NCKAP5: variants seen among roughly 807,000 people sequenced by gnomAD.
NCKAP5 encodes nck-associated protein 5.
In NCKAP5, 92 loss-of-function variants were observed where a neutral mutation model predicts 167.0. That is an observed-to-expected ratio of 0.55 (90% confidence interval 0.47 to 0.66). The LOEUF (loss-of-function observed/expected upper bound fraction) is 0.66, where lower values mean the gene tolerates loss of function less well. Among genes scored for constraint, NCKAP5 ranks in the 30% least tolerant of loss-of-function variants. The pLI, the probability that NCKAP5 is intolerant of heterozygous loss-of-function variation, is 0.00. For synonymous variants in NCKAP5, 891 were observed against 877.4 expected (o/e 1.02, Z -0.27); for missense variants, 2,378 against 2,315.0 (o/e 1.03, Z -0.56).
intron 3 of NCKAP5, among the ~76,000 whole-genome samples, chr2:133,437,521 C>A (rs923724902): frequency 2.0e-5 from 3 of 152,096 alleles, no homozygotes; most frequent in African/African-American, 4.8e-5. Context: ...TAAACTAAAG[C>A]CTTCTTTCTC....
intron 8 of NCKAP5, among the ~76,000 whole-genome samples, chr2:132,922,020 C>T (rs1695472441): frequency 6.6e-6 from 1 of 152,060 alleles, no homozygotes; most frequent in Non-Finnish European, 1.5e-5. Context: ...ATTTTGCTAC[C>T]CTGTACTGAG....
Position 133,178,915 on chromosome 2 carries a change from C to T in NCKAP5, c.207+34801G>A, listed in dbSNP as rs562217495. ...GCATGGTAGCTCATTCCTTTAATCC[C>T]AACACTTTGAGAGGCTAAGGCAGGT... On this transcript the variant is annotated intron_variant, in intron 5 of 19. Coordinates refer to ENST00000409261, the MANE Select transcript of NCKAP5 (RefSeq NM_207363.3). 2.0e-5 allele frequency among the ~76,000 whole-genome samples: 3 copies of T among 151,088 alleles called. No individual in the cohort carries two copies. In the South Asian group the frequency reaches 6.3e-4, roughly 32 times the overall value.
rs565721179 is a variant in NCKAP5, at chr2:133,387,316, G to C, written c.70-84206C>G. Among the ~76,000 whole-genome samples the C allele has an allele frequency of 1.2e-4, 18 of 152,216 alleles. No individual in the cohort carries two copies. The South Asian group carries it at 3.7e-3, about 32-fold the overall frequency. The stretch of plus-strand genomic sequence containing the variant: ...TCCTTCACTTATGAAGCTTAGTTTG[G>C]CTGGATATGAAATTCTGGGTTGAAA... On this transcript the variant is annotated intron_variant, in intron 3 of 19. Transcript: ENST00000409261.
intron 3 of NCKAP5, among the ~76,000 whole-genome samples, chr2:133,505,489 C>G (rs1203739800): frequency 6.6e-6 from 1 of 152,150 alleles, no homozygotes; most frequent in Non-Finnish European, 1.5e-5. Context: ...CCACATGTTT[C>G]CAGGGTAGAG....
intron 3 of NCKAP5, among the ~76,000 whole-genome samples, chr2:133,417,347 C>T (rs375616560): frequency 6.6e-6 from 1 of 152,150 alleles, no homozygotes; most frequent in South Asian, 2.1e-4. Flanking sequence ...TCCTTCACAC[C>T]CCTGGAAGAC....
chr2:133,220,157 G>A (rs1204849749), intron 4 of NCKAP5, among the ~76,000 whole-genome samples: 1 of 152,218 alleles, frequency 6.6e-6, no homozygotes, highest in East Asian at 1.9e-4. Context: ...CAGTTCATCT[G>A]CTGGAAACAG....
intron 12 of NCKAP5, among the ~76,000 whole-genome samples, chr2:132,791,800 G>A (rs72847217): frequency 0.091 from 13,904 of 152,234 alleles, 743 homozygotes; most frequent in East Asian, 0.2. Flanking sequence ...AGTACTTGTG[G>A]TAAATATTAA....
At chr2:132,969,401 G>T (rs111797602) in intron 7 of NCKAP5, among the ~76,000 whole-genome samples, 273 of 152,242 alleles carry the variant, frequency 1.8e-3, no homozygotes, top group African/African-American at 5.9e-3. Context: ...TTAGTGTCTA[G>T]CCTGAATTCT....
chr2:133,547,388 G>GGCCT (rs1369896644), intron 2 of NCKAP5, among the ~76,000 whole-genome samples: 2,196 of 152,022 alleles, frequency 0.014, 42 homozygotes, highest in African/African-American at 0.051. Context: ...AGCTCAAGGA[G>GGCCT]GCCTGCCTGC....
At chr2:132,837,578 T>G (rs1257202301) in intron 11 of NCKAP5, among the ~76,000 whole-genome samples, 1 of 152,094 alleles carries the variant, frequency 6.6e-6, no homozygotes, top group Non-Finnish European at 1.5e-5. Flanking sequence ...TGCATTTTTC[T>G]TATGTTTTTT....
At chr2:133,023,969 T>C (rs988790673) in intron 6 of NCKAP5, among the ~76,000 whole-genome samples, 7 of 152,202 alleles carry the variant, frequency 4.6e-5, no homozygotes, top group African/African-American at 1.7e-4. Flanking sequence ...GGACTGGCTC[T>C]CCTGCATATA....
chr2:133,020,968 C>G (rs1054271592), intron 6 of NCKAP5, among the ~76,000 whole-genome samples: 4 of 152,176 alleles, frequency 2.6e-5, no homozygotes, highest in Non-Finnish European at 5.9e-5. Context: ...CAGCAGTTAC[C>G]TACTTGTGGT....
intron 6 of NCKAP5, among the ~76,000 whole-genome samples, chr2:133,125,261 G>A (rs1369098094): frequency 1.4e-5 from 2 of 143,196 alleles, no homozygotes; most frequent in Non-Finnish European, 3.0e-5. Flanking sequence ...TCAACTCAAC[G>A]TACCCCACCC....
At chr2:133,280,495 C>T (rs2089897370) in intron 4 of NCKAP5, among the ~76,000 whole-genome samples, 1 of 152,034 alleles carries the variant, frequency 6.6e-6, no homozygotes, top group African/African-American at 2.4e-5. Flanking sequence ...CAACCTCCAC[C>T]TCCCAGGCTC....
intron 15 of NCKAP5, among the ~76,000 whole-genome samples, chr2:132,778,929 A>G (rs1392687096): frequency 2.6e-5 from 4 of 152,216 alleles, no homozygotes; most frequent in Non-Finnish European, 5.9e-5. Context: ...AGCCCAATCC[A>G]TGCTGATGAT....
intron 8 of NCKAP5, among the ~76,000 whole-genome samples, chr2:132,950,625 A>G (rs189195285): frequency 8.3e-4 from 126 of 152,330 alleles, no homozygotes; most frequent in African/African-American, 2.9e-3. Flanking sequence ...CTCTCATAAA[A>G]CTAGACTGCA....
the NCKAP5 span, among the ~76,000 whole-genome samples, chr2:133,586,898 C>T: frequency 2.6e-5 from 4 of 152,152 alleles, no homozygotes; most frequent in South Asian, 6.2e-4. Flanking sequence ...CAGCAAAAGG[C>T]ATTTGGATCT....
rs189012199 is a variant in NCKAP5 at position 132,809,646 on chromosome 2, G to A, written c.808-12917C>T. On this transcript the variant is annotated intron_variant, in intron 11 of 19. Transcript: ENST00000409261. The stretch of plus-strand genomic sequence containing the variant: ...CCCTTTTCCATCCCTTTAAGTTTAT[G>A]TGAGTTCTTATGTGTTAGGTGAGTC... 1.4e-3 allele frequency among the ~76,000 whole-genome samples: 214 copies of A among 152,172 alleles called. 1 individual carries two copies. The highest frequency in any genetic ancestry group is 4.9e-3 in the African/African-American group (203 of 41,514).
Position 132,785,493 on chromosome 2 carries a change from C to T in NCKAP5, c.1318G>A (p.Gly440Arg), listed in dbSNP as rs1306330864. The change falls in exon 14 of 20, where the codon GGA becomes AGA. Residue 440 changes from glycine to arginine, a missense_variant. By Grantham distance (125) the Gly-to-Arg change is moderately radical. Transcript: ENST00000409261. ...TCCTTGAGGCTGCTACTTTTAATTC[C>T]AGGAGAATATATTCCTTCATTCGAG... is the stretch of plus-strand genomic sequence containing the variant. ...MNSNEGIYSP[G>R]IKSSSLKEYP... 3 of 1,613,078 alleles carry T rather than the reference C, an allele frequency of 1.9e-6. No homozygotes were observed. Among genetic ancestry groups the T allele is most frequent in the South Asian group, 2.2e-5 (2 of 90,954 alleles).
Sources: gnomAD v4.1 joint callset for allele counts (sites outside exome capture counted in the v4.1 genomes callset) on GRCh38, gnomAD v4.1.1 for gene constraint, MANE v1.5 for transcripts, NCBI Gene and HGNC (gene_info 2026-07-23, HGNC 2026-07-21) for gene names.